The following LRP1B variants were observed in gnomAD, a reference collection of about 807,000 sequenced individuals.
The protein encoded by LRP1B is LDL receptor related protein 1B, also known as low-density lipoprotein receptor-related protein 1B.
Under a neutral mutation model 556.6 loss-of-function variants are expected in LRP1B, and 217 were observed. That is an observed-to-expected ratio of 0.39 (90% CI 0.35 to 0.44). The LOEUF is 0.44. Among genes scored for constraint, LRP1B ranks in the 20% least tolerant of loss-of-function variants. LRP1B has a pLI of 1.00. For missense variants in LRP1B, 5,053 were observed against 5,620.8 expected (o/e 0.90, Z 3.23); for synonymous variants, 2,047 against 1,865.8 (o/e 1.10, Z -2.50).
intron 66 of LRP1B, among the ~76,000 whole-genome samples, chr2:140,387,654 G>A (rs1347109197): frequency 6.6e-6 from 1 of 151,566 alleles, no homozygotes; most frequent in Non-Finnish European, 1.5e-5. Context: ...AGAATGTCAG[G>A]TGCAATGTTT....
At chr2:140,821,927 G>C (rs1691342846) in intron 31 of LRP1B, among the ~76,000 whole-genome samples, 1 of 151,762 alleles carries the variant, frequency 6.6e-6, no homozygotes, top group Non-Finnish European at 1.5e-5. Flanking sequence ...TTGAATCTGG[G>C]AGGCAGAAGT....
intron 7 of LRP1B, among the ~76,000 whole-genome samples, chr2:141,127,230 C>T (rs1456333473): frequency 7.9e-5 from 12 of 152,114 alleles, no homozygotes; most frequent in African/African-American, 2.2e-4. Flanking sequence ...ATTAAAAAGT[C>T]GGGAAACAAT....
intron 60 of LRP1B, among the ~76,000 whole-genome samples, chr2:140,468,705 C>A (rs112499307): frequency 0.011 from 1,624 of 152,308 alleles, 30 homozygotes; most frequent in African/African-American, 0.038. Flanking sequence ...AGATTTTATT[C>A]GAGAATATTA....
intron 20 of LRP1B, among the ~76,000 whole-genome samples, chr2:140,935,532 A>G (rs191264930): frequency 6.6e-6 from 1 of 152,236 alleles, no homozygotes; most frequent in East Asian, 1.9e-4. Flanking sequence ...AACACAGTAT[A>G]AGAGACTTGC....
intron 1 of LRP1B, among the ~76,000 whole-genome samples, chr2:141,878,672 C>T (rs535667267): frequency 6.6e-6 from 1 of 151,882 alleles, no homozygotes; most frequent in Admixed American, 6.6e-5. Context: ...TTTCCTAGTA[C>T]CTTCCTTATT....
chr2:141,363,556 A>G (rs1004260457), intron 3 of LRP1B, among the ~76,000 whole-genome samples: 9 of 152,146 alleles, frequency 5.9e-5, no homozygotes, highest in African/African-American at 9.6e-5. Context: ...TGAATATTTG[A>G]CAACAAAAAT....
At chr2:141,920,555 T>C (rs1256110041) in intron 1 of LRP1B, among the ~76,000 whole-genome samples, 2 of 152,008 alleles carry the variant, frequency 1.3e-5, no homozygotes, top group African/African-American at 4.8e-5. Flanking sequence ...TCACTGGTAA[T>C]TGGCTATTGA....
At chr2:141,126,810 G>A (rs1340308800) in intron 7 of LRP1B, among the ~76,000 whole-genome samples, 1 of 151,994 alleles carries the variant, frequency 6.6e-6, no homozygotes, top group Non-Finnish European at 1.5e-5. Flanking sequence ...AGGTTCCCTA[G>A]TACCTCAATC....
chr2:140,248,245 A>G (rs1681253859), intron 86 of LRP1B, among the ~76,000 whole-genome samples: 2 of 151,834 alleles, frequency 1.3e-5, no homozygotes, highest in South Asian at 2.1e-4. Context: ...AAATTCTCAT[A>G]AAATCATTAT....
At chr2:141,219,910 C>A (rs963715152) in intron 6 of LRP1B, among the ~76,000 whole-genome samples, 1 of 151,928 alleles carries the variant, frequency 6.6e-6, no homozygotes, top group Non-Finnish European at 1.5e-5. Context: ...CAAAAAAGAC[C>A]CCATAAAAAC....
chr2:141,695,783 G>C (rs1196494181), intron 2 of LRP1B, among the ~76,000 whole-genome samples: 1 of 151,870 alleles, frequency 6.6e-6, no homozygotes, highest in Admixed American at 6.6e-5. Flanking sequence ...GGCCAAGTTT[G>C]GCTGAAAACA....
intron 2 of LRP1B, among the ~76,000 whole-genome samples, chr2:141,736,534 C>T (rs1259500955): frequency 6.6e-6 from 1 of 152,060 alleles, no homozygotes; most frequent in Non-Finnish European, 1.5e-5. Flanking sequence ...GGCCGAGACT[C>T]AAAGTATGCT....
At chr2:140,361,459 T>G (rs1682513732) in intron 72 of LRP1B, among the ~76,000 whole-genome samples, 1 of 148,972 alleles carries the variant, frequency 6.7e-6, no homozygotes, top group South Asian at 2.1e-4. Context: ...TGTATCTACA[T>G]GTAGTCTGTC....
At chr2:142,070,940 T>G (rs72849847) in intron 1 of LRP1B, among the ~76,000 whole-genome samples, 10,459 of 152,002 alleles carry the variant, frequency 0.069, 479 homozygotes, top group Non-Finnish European at 0.094. Context: ...ACTCATGTCT[T>G]GTCATGCATC....
chr2:142,035,363 A>C (rs554656533), intron 1 of LRP1B, among the ~76,000 whole-genome samples: 2 of 151,828 alleles, frequency 1.3e-5, no homozygotes, highest in South Asian at 2.1e-4. Context: ...GATGCTTATC[A>C]AAATCACCAG....
intron 37 of LRP1B, among the ~76,000 whole-genome samples, chr2:140,704,717 C>A (rs1201493582): frequency 6.6e-6 from 1 of 152,076 alleles, no homozygotes; most frequent in African/African-American, 2.4e-5. Context: ...GAAGGAGGCA[C>A]TGTGAGACCA....
At chr2:140,588,260 T>A (rs1682067100) in intron 43 of LRP1B, among the ~76,000 whole-genome samples, 1 of 152,148 alleles carries the variant, frequency 6.6e-6, no homozygotes, top group Admixed American at 6.5e-5. Context: ...GTGTGCAGAG[T>A]AAATCTTGAA....
chr2:140,239,495 C>T lies in LRP1B; in HGVS notation c.13362G>A (p.Val4454=), dbSNP rs771572670. 1.2e-5 allele frequency: 19 copies of T among 1,604,764 alleles called. No individual in the cohort carries two copies. The East Asian group carries it at 4.3e-4, about 36-fold the overall frequency. The change falls in exon 88 of 91, where the codon GTG becomes GTA. Residue 4454 remains valine (V), a synonymous_variant. Transcript: ENST00000389484. ...CAATTACTAAGGTGGTTATCAAAGT[C>T]ACCAAGAGGACGAGAGGCACAATGA... is the stretch of plus-strand genomic sequence containing the variant. ...IAIIVPLVLL[V]TLITTLVIGL... is the part of the protein sequence containing the mutation.
chr2:140,325,827 A>C lies in LRP1B; in HGVS notation c.12275T>G (p.Leu4092Arg). The change falls in exon 80 of 91, where the codon CTC becomes CGC. Residue 4092 changes from leucine to arginine, a missense_variant. This residue lies in a region of LRP1B where 551 missense variants were observed against 592.0 expected (regional missense o/e 0.93). Transcript: ENST00000389484. Reference sequence around the variant, plus strand: ...ATACAGAACACTGCCAATGATGGAGAGCTCAAAGTCAGCCCAATATATGCG... The same window carrying C: ...ATACAGAACACTGCCAATGATGGAGCGCTCAAAGTCAGCCCAATATATGCG... ...SERIYWADFE[L>R]SIIGSVLYDG... 1 of 1,613,212 alleles carries C rather than the reference A, an allele frequency of 6.2e-7. No individual in the cohort carries two copies. Among genetic ancestry groups the C allele is most frequent in the Non-Finnish European group, 8.5e-7 (1 of 1,179,566 alleles).
Sources: allele counts gnomAD v4.1 joint callset (sites outside exome capture counted in the v4.1 genomes callset), GRCh38; gene constraint gnomAD v4.1.1; regional missense constraint gnomAD v4.1.1; transcripts MANE v1.5; gene names NCBI Gene and HGNC (gene_info 2026-07-23, HGNC 2026-07-21).